Variants in UBE3A observed in about 807,000 individuals in gnomAD.
UBE3A encodes the protein ubiquitin protein ligase E3A, also known as ubiquitin-protein ligase E3A.
A neutral mutation model predicts 83.4 loss-of-function variants in UBE3A; 6 were observed. That is an observed-to-expected ratio of 0.07 (90% CI 0.04 to 0.14). UBE3A has a LOEUF of 0.14. Among genes scored for constraint, UBE3A ranks in the 10% least tolerant of loss-of-function variants. The pLI is 1.00. For synonymous variants in UBE3A, 337 were observed against 355.4 expected, an observed-to-expected ratio of 0.95 and a Z score of 0.58; for missense variants, 456 against 1,036.1, an observed-to-expected ratio of 0.44 and a Z score of 7.69.
chr15:25,425,240 T>A (rs900885614), intron 1 of UBE3A, among the ~76,000 whole-genome samples: 1 of 152,104 alleles, frequency 6.6e-6, no homozygotes, highest in East Asian at 1.9e-4. Flanking sequence ...TTCCCATTTA[T>A]ATGAAATATC....
At chr15:25,435,981 T>G (rs1333061435) in intron 1 of UBE3A, among the ~76,000 whole-genome samples, 1 of 152,216 alleles carries the variant, frequency 6.6e-6, no homozygotes, top group Non-Finnish European at 1.5e-5. Context: ...TTACATACTT[T>G]AAGCCTCACA....
At chr15:25,411,361 G>T (rs899703365) in intron 2 of UBE3A, among the ~76,000 whole-genome samples, 3 of 152,014 alleles carry the variant, frequency 2.0e-5, no homozygotes, top group Non-Finnish European at 4.4e-5. Context: ...AGGCCAAGGC[G>T]GGTGGATCAC....
chr15:25,429,125 C>T (rs928987473), intron 1 of UBE3A, among the ~76,000 whole-genome samples: 5 of 152,154 alleles, frequency 3.3e-5, no homozygotes, highest in African/African-American at 1.2e-4. Context: ...TTATACATGT[C>T]TGTAAAAATT....
chr15:25,433,245 A>G (rs1213787367), intron 1 of UBE3A, among the ~76,000 whole-genome samples: 1 of 149,796 alleles, frequency 6.7e-6, no homozygotes, highest in Non-Finnish European at 1.5e-5. Context: ...AGGCAGTAGC[A>G]TGATCTTGGC....
chr15:25,351,093 T>C (rs1014367512), intron 11 of UBE3A, among the ~76,000 whole-genome samples: 5 of 152,204 alleles, frequency 3.3e-5, no homozygotes, highest in Non-Finnish European at 7.3e-5. Flanking sequence ...TACCACCACA[T>C]TGATAACATT....
rs559121572 is a variant in UBE3A at position 25,340,689 on chromosome 15, G to A, written c.2355-461C>T. On this transcript the variant is annotated intron_variant, in intron 11 of 12. Transcript: ENST00000648336. ...CTCATCCTTTAACTCAACTTTGGGA[G>A]GAAAAAGTGATACAGATTAAGGACA... is the stretch of plus-strand genomic sequence containing the variant. Among the ~76,000 whole-genome samples, 5 of 151,918 alleles carry A rather than the reference G, an allele frequency of 3.3e-5. No individual in the cohort carries two copies. In the East Asian group the frequency reaches 9.7e-4, roughly 29 times the overall value.
At chr15:25,357,688 T>A (rs1053176795) in intron 7 of UBE3A, 1 of 152,160 alleles carries the variant, frequency 6.6e-6, no homozygotes, top group African/African-American at 2.4e-5. Flanking sequence ...GTTCGTTTTT[T>A]CAAAATTAGA....
chr15:25,389,549 A>G (rs1471786695), intron 4 of UBE3A, among the ~76,000 whole-genome samples: 1 of 152,148 alleles, frequency 6.6e-6, no homozygotes, highest in African/African-American at 2.4e-5. Context: ...CAAGCCACAG[A>G]TAGGGAGGAA....
At chr15:25,413,515 TACA>T (rs1411045468) in intron 1 of UBE3A, among the ~76,000 whole-genome samples, 2 of 152,204 alleles carry the variant, frequency 1.3e-5, no homozygotes, top group African/African-American at 4.8e-5. Context: ...AAAGGACTAC[TACA>T]ACAATTTTCC....
chr15:25,407,220 G>A, intron 3 of UBE3A: 1 of 1,257,292 alleles, frequency 8.0e-7, no homozygotes, highest in Non-Finnish European at 1.0e-6. Context: ...ATACTGTAAG[G>A]AGGCAGAGCT....
chr15:25,392,981 C>T (rs973109723), intron 4 of UBE3A, among the ~76,000 whole-genome samples: 1 of 152,078 alleles, frequency 6.6e-6, no homozygotes, highest in Non-Finnish European at 1.5e-5. Context: ...TGCACTCTTC[C>T]GGAAGATTCG....
chr15:25,436,561 A>G (rs1340769257), intron 1 of UBE3A, among the ~76,000 whole-genome samples: 1 of 152,170 alleles, frequency 6.6e-6, no homozygotes, highest in Non-Finnish European at 1.5e-5. Context: ...GGGGAGAGGG[A>G]GGAGATTGAA....
At chr15:25,348,430 C>T (rs1398900174) in intron 11 of UBE3A, among the ~76,000 whole-genome samples, 1 of 152,104 alleles carries the variant, frequency 6.6e-6, no homozygotes, top group Non-Finnish European at 1.5e-5. Flanking sequence ...ATTATAGTCT[C>T]TCTCAATAAA....
intron 4 of UBE3A, among the ~76,000 whole-genome samples, chr15:25,380,872 C>A (rs1198678403): frequency 6.6e-6 from 1 of 152,158 alleles, no homozygotes; most frequent in Non-Finnish European, 1.5e-5. Flanking sequence ...TAAAGTCAGA[C>A]ACATGAAAAT....
chr15:25,404,077 T>C (rs1452437679), intron 4 of UBE3A, among the ~76,000 whole-genome samples: 1 of 152,186 alleles, frequency 6.6e-6, no homozygotes, highest in Non-Finnish European at 1.5e-5. Flanking sequence ...AATGGTGAAA[T>C]GGAAAATTTT....
chr15:25,400,267 T>C (rs2086766539), intron 4 of UBE3A, among the ~76,000 whole-genome samples: 1 of 152,228 alleles, frequency 6.6e-6, no homozygotes, highest in South Asian at 2.1e-4. Context: ...CTGCAGGATA[T>C]TGGTTCCAGG....
chr15:25,354,430 C>A lies in UBE3A; in HGVS notation c.2281-4G>T, dbSNP rs762247869. The A allele has an allele frequency of 1.9e-6, 3 of 1,613,792 alleles. No individual in the cohort carries two copies. In the South Asian group the frequency reaches 3.3e-5, roughly 18 times the overall value. ...CTAGTGCTTGGAAATCTAGATTCTG[C>A]AAATTCAAGAAAATATGTCTTAGTT... On this transcript the variant is annotated splice_polypyrimidine_tract_variant and splice_region_variant and intron_variant, in intron 10 of 12. Coordinates refer to ENST00000648336, the MANE Select transcript of UBE3A (RefSeq NM_130839.5).
chr15:25,364,649 T>G (rs1419517332), intron 6 of UBE3A, among the ~76,000 whole-genome samples: 191 of 149,140 alleles, frequency 1.3e-3, no homozygotes, highest in African/African-American at 3.2e-3. Flanking sequence ...TTGTTTGTTT[T>G]TTTTTTTTTT....
chr15:25,398,771 TTATATATATATATATATATATATATA>T (rs1159969391), intron 4 of UBE3A, among the ~76,000 whole-genome samples: 4 of 68,936 alleles, frequency 5.8e-5, no homozygotes, highest in Non-Finnish European at 9.6e-5. Flanking sequence ...ATTCTTTTAT[TTATATATATATATATATATATATATA>T]TATATATATA....
Sources: gnomAD v4.1 joint callset for allele counts (sites outside exome capture counted in the v4.1 genomes callset) on GRCh38, gnomAD v4.1.1 for gene constraint, MANE v1.5 for transcripts, NCBI Gene and HGNC (gene_info 2026-07-23, HGNC 2026-07-21) for gene names.